STPG1: variants seen among roughly 807,000 people sequenced by gnomAD.
STPG1 encodes the protein O(6)-methylguanine-induced apoptosis 2.
A neutral mutation model predicts 40.1 loss-of-function variants in STPG1; 33 were observed. That is an observed-to-expected ratio of 0.82 (90% CI 0.62 to 1.10). The LOEUF is 1.10. Among genes scored for constraint, STPG1 ranks in the 50% least tolerant of loss-of-function variants. The pLI is 0.00. For missense variants in STPG1, 396 were observed against 415.1 expected, an observed-to-expected ratio of 0.95 and a Z score of 0.40; for synonymous variants, 150 against 155.0, an observed-to-expected ratio of 0.97 and a Z score of 0.24.
At chr1:24,414,642 C>T (rs1055427913), upstream of STPG1, 1 of 150,206 alleles carries the variant, frequency 6.7e-6, no homozygotes, top group Non-Finnish European at 1.5e-5. Context: ...TCAAGCGATC[C>T]TCCCGCCTCA....
chr1:24,383,727 T>C, intron 4 of STPG1, 175 bp downstream of exon 4: 1 of 530,480 alleles, frequency 1.9e-6, no homozygotes, highest in East Asian at 3.3e-5. Flanking sequence ...GGGAAAAAGT[T>C]ACTTAGAGAC....
intron 3 of STPG1, among the ~76,000 whole-genome samples, chr1:24,384,598 A>G (rs1236695495): frequency 6.6e-6 from 1 of 152,244 alleles, no homozygotes; most frequent in Non-Finnish European, 1.5e-5. Flanking sequence ...GGAATAAGTG[A>G]GAGGTCACTT....
rs1204104297 is a variant in STPG1 at position 24,391,595 on chromosome 1, A to T, written c.155T>A (p.Phe52Tyr). 6.5e-7 allele frequency: 1 copy of T among 1,547,154 alleles called. No homozygotes were observed. Among genetic ancestry groups the T allele is most frequent in the Non-Finnish European group, 8.7e-7 (1 of 1,143,844 alleles). ...SVIPESEKKG[F>Y]NSQAKRFPHK... is the part of the protein sequence containing the mutation. ...AGGAAATCTCTTGGCTTGACTATTGAATCCTTTTTTTTCTGATTCTGGGAT... is the reference window on the plus strand; with the variant it reads ...AGGAAATCTCTTGGCTTGACTATTGTATCCTTTTTTTTCTGATTCTGGGAT... The change falls in exon 3 of 9, where the codon TTC becomes TAC. Residue 52 changes from phenylalanine (F) to tyrosine (Y), a missense_variant. Physicochemically the swap from Phe to Tyr is conservative, Grantham distance 22. Coordinates refer to ENST00000337248, the MANE Select transcript of STPG1 (RefSeq NM_001199013.2).
At chr1:24,381,107 C>T (rs748677135) in intron 4 of STPG1, among the ~76,000 whole-genome samples, 3 of 152,018 alleles carry the variant, frequency 2.0e-5, no homozygotes, top group African/African-American at 4.8e-5. Context: ...CTAATTCAGG[C>T]GGAGGACCAG....
chr1:24,377,083 AC>A (rs1375321266), intron 5 of STPG1, among the ~76,000 whole-genome samples: 3 of 143,292 alleles, frequency 2.1e-5, no homozygotes, highest in Admixed American at 1.4e-4. Context: ...ACATGGTGAA[AC>A]CCCATCTCTA....
intron 2 of STPG1, chr1:24,392,194 C>G: frequency 2.1e-6 from 1 of 466,262 alleles, no homozygotes; most frequent in South Asian, 9.1e-5. Flanking sequence ...CTGTTTTGAG[C>G]AGACATGGGG....
rs957428192 is a variant in STPG1 at position 24,358,284 on chromosome 1, G to C, written c.*259C>G. The C allele has an allele frequency of 2.3e-5, 15 of 656,122 alleles. No homozygotes were observed. Among genetic ancestry groups the C allele is most frequent in the Non-Finnish European group, 3.9e-5 (14 of 355,544 alleles). The allele number at this position is 656,122 out of a possible 1,614,324, so 40.6% of individuals were successfully genotyped here. Reference sequence around the variant, plus strand: ...GGGTGCGTGGGGAAGCAGCCAGGGGGCTCTGTCCACTCCTCCCTTCTGCTC... The same window carrying C: ...GGGTGCGTGGGGAAGCAGCCAGGGGCCTCTGTCCACTCCTCCCTTCTGCTC... On this transcript the variant is annotated 3_prime_UTR_variant, in exon 9 of 9. Transcript: ENST00000337248.
At chr1:24,385,310 G>T (rs929470794) in intron 3 of STPG1, among the ~76,000 whole-genome samples, 2 of 152,198 alleles carry the variant, frequency 1.3e-5, no homozygotes, top group African/African-American at 4.8e-5. Flanking sequence ...TGACGACAGG[G>T]GTGCTGATTC....
rs1643133432 is a variant in STPG1 at position 24,399,495 on chromosome 1, T to C, written c.70+1824A>G. 1.3e-5 allele frequency among the ~76,000 whole-genome samples: 2 copies of C among 152,132 alleles called. No homozygotes were observed. Among genetic ancestry groups the C allele is most frequent in the South Asian group, 4.1e-4 (2 of 4,834 alleles). On this transcript the variant is annotated intron_variant, in intron 2 of 8. Coordinates refer to ENST00000337248, the MANE Select transcript of STPG1 (RefSeq NM_001199013.2). The surrounding 1 kb of genome is among the most constrained non-coding windows in gnomAD (Gnocchi z 4.0). ...GGGATGGGCAAAGATTTCTTAAGTATTAATAAAATAGACATGTACACTAAA... is the reference window on the plus strand; with the variant it reads ...GGGATGGGCAAAGATTTCTTAAGTACTAATAAAATAGACATGTACACTAAA...
At chr1:24,407,827 C>A (rs893335084) in intron 1 of STPG1, among the ~76,000 whole-genome samples, 1 of 152,290 alleles carries the variant, frequency 6.6e-6, no homozygotes, top group South Asian at 2.1e-4. Flanking sequence ...CTAGAGGTTA[C>A]ATTTGGGCTC....
chr1:24,379,583 C>A (rs770116360), intron 5 of STPG1, 70 bp downstream of exon 5: 5 of 1,533,964 alleles, frequency 3.3e-6, no homozygotes, highest in Non-Finnish European at 4.5e-6. Context: ...TCCCCAAGAT[C>A]CCCTCTTCCT....
At chr1:24,376,818 C>T (rs1397012841) in intron 5 of STPG1, among the ~76,000 whole-genome samples, 2 of 152,190 alleles carry the variant, frequency 1.3e-5, no homozygotes, top group African/African-American at 2.4e-5. Flanking sequence ...GGGGCAATGG[C>T]TAAGCCCCTT....
chr1:24,414,863 C>T (rs6687848), upstream of STPG1: 17,010 of 152,118 alleles, frequency 0.11, 1,000 homozygotes, highest in African/African-American at 0.13. Flanking sequence ...GTCCCTGGCC[C>T]GTCCCTCAGA....
At chr1:24,358,929 G>A (rs1640905399) in intron 8 of STPG1, among the ~76,000 whole-genome samples, 1 of 152,224 alleles carries the variant, frequency 6.6e-6, no homozygotes, top group Non-Finnish European at 1.5e-5. Context: ...AAAGAAGCAA[G>A]GTGTTAGCTT....
chr1:24,405,426 C>T, intron 1 of STPG1, among the ~76,000 whole-genome samples: 1 of 151,888 alleles, frequency 6.6e-6, no homozygotes, highest in Non-Finnish European at 1.5e-5. Context: ...ATTTAGAAGT[C>T]TGATGTTTAA....
chr1:24,364,106 C>T, intron 7 of STPG1: 1 of 1,450,118 alleles, frequency 6.9e-7, no homozygotes, highest in South Asian at 1.5e-5. Context: ...TGCCTTTGTC[C>T]CTGCTGTTCC....
intron 7 of STPG1, chr1:24,364,269 G>A (rs1466944452): frequency 6.5e-7 from 1 of 1,549,216 alleles, no homozygotes; most frequent in Non-Finnish European, 8.7e-7. Flanking sequence ...CTCAAGTGAG[G>A]AACATGGGTT....
At chr1:24,360,738 C>T in intron 8 of STPG1, 113 bp downstream of exon 8, 1 of 935,142 alleles carries the variant, frequency 1.1e-6, no homozygotes, top group Non-Finnish European at 1.6e-6. Flanking sequence ...CTACCCTCAT[C>T]CCTGTAACCT....
intron 7 of STPG1, among the ~76,000 whole-genome samples, chr1:24,365,836 C>T (rs1406908240): frequency 6.6e-6 from 1 of 152,214 alleles, no homozygotes; most frequent in African/African-American, 2.4e-5. Flanking sequence ...GCCCACAGGG[C>T]TGGTGAGCAG....
Sources: gnomAD v4.1 joint callset for allele counts (sites outside exome capture counted in the v4.1 genomes callset) on GRCh38, gnomAD v4.1.1 for gene constraint, Gnocchi (gnomAD v3.1) non-coding constraint, MANE v1.5 for transcripts, NCBI Gene and HGNC (gene_info 2026-07-23, HGNC 2026-07-21) for gene names.